The following PYHIN1 variants were observed in gnomAD, a reference collection of about 807,000 sequenced individuals.
PYHIN1 encodes the protein pyrin and HIN domain-containing protein 1.
Under a neutral mutation model 43.7 loss-of-function variants are expected in PYHIN1, and 32 were observed. The ratio of observed to expected loss-of-function variants is 0.73; its 90% CI spans 0.55 to 0.98. PYHIN1 has a LOEUF of 0.98. Among genes scored for constraint, PYHIN1 ranks in the 50% least tolerant of loss-of-function variants. The pLI, the probability that PYHIN1 is intolerant of heterozygous loss-of-function variation, is 0.00. For missense variants in PYHIN1, 588 were observed against 589.5 expected, an observed-to-expected ratio of 1.00 and a Z score of 0.03; for synonymous variants, 205 against 203.1, an observed-to-expected ratio of 1.01 and a Z score of -0.08.
intron 5 of PYHIN1, 64 bp downstream of exon 5, chr1:158,942,463 G>A (rs969975564): frequency 9.1e-6 from 12 of 1,315,074 alleles, no homozygotes; most frequent in Non-Finnish European, 1.2e-5. Flanking sequence ...AAGCCCTGAT[G>A]TGCTAAATGG....
At chr1:158,945,361 T>C in intron 7 of PYHIN1, 1 of 201,772 alleles carries the variant, frequency 5.0e-6, no homozygotes, top group Non-Finnish European at 9.9e-6. Flanking sequence ...TTCCAATTTC[T>C]TTCACAACTT....
chr1:158,979,774 T>G (rs1380104036), downstream of PYHIN1, among the ~76,000 whole-genome samples: 1 of 152,180 alleles, frequency 6.6e-6, no homozygotes. Context: ...TGTGCAGGTT[T>G]GTTACATCAA....
chr1:158,951,600 C>G (rs1200265282), intron 7 of PYHIN1, among the ~76,000 whole-genome samples: 2 of 152,166 alleles, frequency 1.3e-5, no homozygotes, highest in African/African-American at 2.4e-5. Context: ...TTACCCAAAC[C>G]ATCAGTAAAC....
In PYHIN1 at chr1:158,933,182, ATGTG is replaced by A. The variant is rs1232722125; in HGVS notation, c.-21+1410_-21+1413del. 6.6e-6 allele frequency among the ~76,000 whole-genome samples: 1 copy of A among 151,780 alleles called. No homozygotes were observed. The highest frequency in any genetic ancestry group is 1.5e-5 in the Non-Finnish European group (1 of 67,872). On this transcript the variant is annotated intron_variant, in intron 1 of 8. Coordinates refer to ENST00000368140, the MANE Select transcript of PYHIN1 (RefSeq NM_152501.5). The surrounding 1 kb of genome is among the most constrained non-coding windows in gnomAD (Gnocchi z 6.3). ...CATGCATAGTTGTATAATGTATATT[ATGTG>A]TGTATGTGATCATGCATACATGTTT...
rs1648745716 is a variant in PYHIN1 at position 158,939,160 on chromosome 1, T to C, written c.492T>C (p.Ser164=). 4 of 1,613,894 alleles carry C rather than the reference T, an allele frequency of 2.5e-6. No homozygotes were observed. The Admixed American group carries it at 5.0e-5, about 20-fold the overall frequency. ...AAGAGCAGACTCGGCCTTCCTGCTC[T>C]GCAGGAGCCAGCACGTCCACAGCCA... The part of the protein sequence containing the change: ...MSKEQTRPSC[S]AGASTSTAMG... Residue 164 remains serine (S), a synonymous_variant, in exon 4 of 9, where the codon TCT becomes TCC. Transcript: ENST00000368140.
At chr1:158,973,970 G>A (rs1651095606) in intron 8 of PYHIN1, among the ~76,000 whole-genome samples, 199 bp downstream of exon 8, 1 of 151,992 alleles carries the variant, frequency 6.6e-6, no homozygotes, top group South Asian at 2.1e-4. Context: ...ATGCATTCAT[G>A]AAATCATTTC....
intron 4 of PYHIN1, chr1:158,939,676 C>G (rs1648794345): frequency 1.5e-6 from 1 of 684,986 alleles, no homozygotes; most frequent in African/African-American, 1.8e-5. Flanking sequence ...CCCTCTGGAT[C>G]CCAATATTGA....
rs78570265 is a variant in PYHIN1 at position 158,962,799 on chromosome 1, C to T, written c.1360-10848C>T. Among the ~76,000 whole-genome samples, 317 of 152,320 alleles carry T rather than the reference C, an allele frequency of 2.1e-3. 2 individuals are homozygous for T. The highest frequency in any genetic ancestry group is 7.4e-3 in the African/African-American group (308 of 41,568). On this transcript the variant is annotated intron_variant, in intron 7 of 8. Coordinates refer to ENST00000368140, the MANE Select transcript of PYHIN1 (RefSeq NM_152501.5). ...CTCCTGGCTTTGAACTGCAAAACAG[C>T]TGCCCCACCCATGGCTAAGCATACG...
chr1:158,972,773 C>T (rs571624075), intron 7 of PYHIN1, among the ~76,000 whole-genome samples: 5 of 152,042 alleles, frequency 3.3e-5, no homozygotes, highest in Non-Finnish European at 7.4e-5. Context: ...CAAGCAAGAC[C>T]TCCTGATAAC....
intron 7 of PYHIN1, among the ~76,000 whole-genome samples, chr1:158,971,153 G>T (rs1650910207): frequency 6.6e-6 from 1 of 151,938 alleles, no homozygotes; most frequent in Non-Finnish European, 1.5e-5. Flanking sequence ...GATGGCTAGG[G>T]TTTGTTGTCC....
intron 6 of PYHIN1, 85 bp downstream of exon 6, chr1:158,944,063 T>C: frequency 1.7e-6 from 2 of 1,179,114 alleles, no homozygotes; most frequent in Non-Finnish European, 2.3e-6. Context: ...TCTGTTGTTT[T>C]ACACTTAAAA....
chr1:158,974,010 G>A (rs748925930), intron 8 of PYHIN1, among the ~76,000 whole-genome samples: 11 of 151,792 alleles, frequency 7.2e-5, no homozygotes, highest in Middle Eastern at 3.2e-3. Flanking sequence ...GTTTTTCATT[G>A]GTGCAAATAT....
rs572549043 is a variant in PYHIN1, at chr1:158,943,053, C to T, written c.1002+654C>T. Reference sequence around the variant, plus strand: ...TCTGATATGTTACTGTCAAAATTCACGAAACTAGTTAGCTTGAGACATTCC... The same window carrying T: ...TCTGATATGTTACTGTCAAAATTCATGAAACTAGTTAGCTTGAGACATTCC... On this transcript the variant is annotated intron_variant, in intron 5 of 8. Transcript: ENST00000368140. Among the ~76,000 whole-genome samples the T allele has an allele frequency of 8.8e-4, 134 of 152,188 alleles. 1 individual carries two copies. The highest frequency in any genetic ancestry group is 3.0e-3 in the African/African-American group (125 of 41,526).
At position 158,976,685 on chromosome 1, in the gene PYHIN1, C is replaced by G; in HGVS notation, c.*6-16C>G. The G allele has an allele frequency of 1.3e-6, 2 of 1,579,938 alleles. No homozygotes were observed. Among genetic ancestry groups the G allele is most frequent in the Non-Finnish European group, 1.7e-6 (2 of 1,160,350 alleles). On this transcript the variant is annotated splice_polypyrimidine_tract_variant and intron_variant, in intron 8 of 8. Coordinates refer to ENST00000368140, the MANE Select transcript of PYHIN1 (RefSeq NM_152501.5). Reference sequence around the variant, plus strand: ...TGCATCTCAACGGGTTTATTTTTATCTCTTTATGCTTCAAGGTCACCAAGG... The same window carrying G: ...TGCATCTCAACGGGTTTATTTTTATGTCTTTATGCTTCAAGGTCACCAAGG...
At chr1:158,952,989 G>A (rs948963688) in intron 7 of PYHIN1, among the ~76,000 whole-genome samples, 2 of 152,218 alleles carry the variant, frequency 1.3e-5, no homozygotes, top group African/African-American at 4.8e-5. Flanking sequence ...AGAAAGGGGT[G>A]ATCGACGCAC....
In PYHIN1 at chr1:158,942,305, ACAT is replaced by A; in HGVS notation, c.914_916del (p.Ile305del). On this transcript the variant is annotated inframe_deletion, in exon 5 of 9. Coordinates refer to ENST00000368140, the MANE Select transcript of PYHIN1 (RefSeq NM_152501.5). ...GACCAAACGTTTGAGGTTCCAAAGG[ACAT>A]CATCAGAAGAGCAAAGAAAATTCCG... 1.9e-6 allele frequency: 3 copies of A among 1,613,980 alleles called. No homozygotes were observed. The highest frequency in any genetic ancestry group is 2.7e-5 in the African/African-American group (2 of 75,048).
At chr1:158,989,241 G>A in the PYHIN1 span, among the ~76,000 whole-genome samples, 1 of 152,124 alleles carries the variant, frequency 6.6e-6, no homozygotes, top group Non-Finnish European at 1.5e-5. Flanking sequence ...ATATTTAGTT[G>A]AGATTTTGGA....
At chr1:158,961,390 T>G (rs1650310237) in intron 7 of PYHIN1, among the ~76,000 whole-genome samples, 1 of 152,088 alleles carries the variant, frequency 6.6e-6, no homozygotes, top group South Asian at 2.1e-4. Flanking sequence ...AGGTTAAATC[T>G]TCATTTAAGA....
intron 1 of PYHIN1, among the ~76,000 whole-genome samples, chr1:158,932,578 G>T (rs768510493): frequency 6.6e-6 from 1 of 152,054 alleles, no homozygotes; most frequent in East Asian, 1.9e-4. Flanking sequence ...TACAAAACAT[G>T]TTCTCACACA....
Sources: allele counts gnomAD v4.1 joint callset (sites outside exome capture counted in the v4.1 genomes callset), GRCh38; gene constraint gnomAD v4.1.1; non-coding constraint Gnocchi (gnomAD v3.1); transcripts MANE v1.5; gene names NCBI Gene and HGNC (gene_info 2026-07-23, HGNC 2026-07-21).